Variants in PPP3CA observed in about 807,000 individuals in gnomAD.
PPP3CA encodes protein phosphatase 3 catalytic subunit alpha, also known as CAM-PRP catalytic subunit.
PPP3CA carries 14 observed loss-of-function variants against 66.5 expected under a neutral mutation model. The observed-to-expected ratio is 0.21, with a 90% CI of 0.14 to 0.33. The LOEUF is 0.33. Ranked by LOEUF, PPP3CA falls within the 10% of genes least tolerant of loss-of-function variation. The probability of loss-of-function intolerance (pLI) is 1.00; values close to 1 mark genes in which losing one functional copy is unlikely to be tolerated. For missense variants in PPP3CA, 317 were observed against 639.5 expected, an observed-to-expected ratio of 0.50 and a Z score of 5.44; for synonymous variants, 232 against 226.2, an observed-to-expected ratio of 1.03 and a Z score of -0.23.
At chr4:101,127,308 C>CCTAA (rs1013447152) in intron 2 of PPP3CA, among the ~76,000 whole-genome samples, 1 of 151,954 alleles carries the variant, frequency 6.6e-6, no homozygotes, top group Non-Finnish European at 1.5e-5. Context: ...ATGTTGATGA[C>CCTAA]CTAACCCCTG....
rs70961772 is a variant in PPP3CA, at chr4:101,033,293, AACACACAC to A, written c.1242-937_1242-930del. Reference sequence around the variant, plus strand: ...ACATAGAGACACACACACACACACAAACACACACACACACACACACACACACACACACA... The same window carrying A: ...ACATAGAGACACACACACACACACAAACACACACACACACACACACACACA... On this transcript the variant is annotated intron_variant, in intron 11 of 13. Coordinates refer to ENST00000394854, the MANE Select transcript of PPP3CA (RefSeq NM_000944.5). Among the ~76,000 whole-genome samples the A allele has an allele frequency of 4.2e-3, 584 of 139,158 alleles. 2 individuals carry two copies. The highest frequency in any genetic ancestry group is 7.5e-3 in the Middle Eastern group (2 of 266). 91.3% of individuals were successfully genotyped at this position (139,158 alleles called of 152,430 possible). A position where few individuals can be genotyped will look rare whatever the true frequency, so the allele number is the denominator to read the frequency against.
At chr4:101,322,680 G>A (rs569018869) in intron 1 of PPP3CA, among the ~76,000 whole-genome samples, 2 of 152,254 alleles carry the variant, frequency 1.3e-5, no homozygotes, top group East Asian at 3.9e-4. Context: ...AAAGAGCTGG[G>A]ATTAAAGACG....
In PPP3CA at chr4:101,117,442, A is replaced by ATTCTT. The variant is rs58221523; in HGVS notation, c.260-8365_260-8364insAAGAA. 6.3e-3 allele frequency among the ~76,000 whole-genome samples: 937 copies of ATTCTT among 148,518 alleles called. 11 individuals carry two copies. Among genetic ancestry groups the ATTCTT allele is most frequent in the Non-Finnish European group, 7.6e-3 (512 of 67,478 alleles). Reference sequence around the variant, plus strand: ...AAAGATGAGTGTTCTCACCACTGAGATTTTTTTTTGCAGTTTTTCCTCCAT... The same window carrying ATTCTT: ...AAAGATGAGTGTTCTCACCACTGAGATTCTTTTTTTTTTTGCAGTTTTTCCTCCAT... On this transcript the variant is annotated intron_variant, in intron 2 of 13. Transcript: ENST00000394854.
rs1352199991 is a variant in PPP3CA, at chr4:101,272,008, G to A, written c.58+74731C>T. Among the ~76,000 whole-genome samples the A allele has an allele frequency of 2.0e-5, 3 of 152,202 alleles. No individual in the cohort carries two copies. The East Asian group carries it at 5.8e-4, about 29-fold the overall frequency. On this transcript the variant is annotated intron_variant, in intron 1 of 13. Coordinates refer to ENST00000394854, the MANE Select transcript of PPP3CA (RefSeq NM_000944.5). ...AAGATAATGATTAATTCACTTAATA[G>A]TTAGGAATAATGAAATTTTCTTTAT...
intron 10 of PPP3CA, among the ~76,000 whole-genome samples, chr4:101,059,410 A>T (rs980395388): frequency 6.6e-6 from 1 of 152,126 alleles, no homozygotes; most frequent in African/African-American, 2.4e-5. Context: ...ATAGTATATG[A>T]AGACAAGTAA....
intron 5 of PPP3CA, 131 bp downstream of exon 5, chr4:101,098,236 G>A (rs1015967492): frequency 1.0e-6 from 1 of 979,542 alleles, no homozygotes; most frequent in Admixed American, 3.9e-5. Flanking sequence ...ACACAAAGGA[G>A]CGATTCATGA....
chr4:101,321,259 TA>T (rs1455684451), intron 1 of PPP3CA, among the ~76,000 whole-genome samples: 1 of 152,198 alleles, frequency 6.6e-6, no homozygotes, highest in East Asian at 1.9e-4. Context: ...ATATATTTTA[TA>T]TAAATTAACC....
chr4:101,279,703 G>T (rs534027788), intron 1 of PPP3CA, among the ~76,000 whole-genome samples: 3 of 152,192 alleles, frequency 2.0e-5, no homozygotes, highest in Admixed American at 1.3e-4. Flanking sequence ...CTATAAAAAG[G>T]GCAAGCTCTG....
chr4:101,133,184 T>C (rs571271763), intron 2 of PPP3CA, among the ~76,000 whole-genome samples: 1 of 152,280 alleles, frequency 6.6e-6, no homozygotes, highest in East Asian at 1.9e-4. Flanking sequence ...CTTTGAAAAC[T>C]GGCACAAGAC....
chr4:101,245,572 C>T (rs1032982165), intron 1 of PPP3CA, among the ~76,000 whole-genome samples: 7 of 152,142 alleles, frequency 4.6e-5, no homozygotes, highest in African/African-American at 1.7e-4. Flanking sequence ...TGAGAGATTT[C>T]AAGAGCTACT....
intron 2 of PPP3CA, among the ~76,000 whole-genome samples, chr4:101,157,941 C>A (rs988992716): frequency 2.8e-5 from 4 of 144,684 alleles, no homozygotes; most frequent in African/African-American, 1.0e-4. Flanking sequence ...TAATTCATGT[C>A]TAAAAGCTAC....
rs1482207511 is a variant in PPP3CA at position 101,024,190 on chromosome 4, C to T, written c.*1675G>A. 4 of 152,168 alleles carry T rather than the reference C, an allele frequency of 2.6e-5. No homozygotes were observed. Among genetic ancestry groups the T allele is most frequent in the African/African-American group, 4.8e-5 (2 of 41,430 alleles). The allele number at this position is 152,168 out of a possible 1,614,324, so 9.4% of individuals were successfully genotyped here. ...CTTACAGTGGAAGTAGGCACCACCC[C>T]TCAGATCACGAGGCCCCTAGGAAGA... On this transcript the variant is annotated 3_prime_UTR_variant, in exon 14 of 14. Coordinates refer to ENST00000394854, the MANE Select transcript of PPP3CA (RefSeq NM_000944.5).
At chr4:101,325,302 T>C (rs573578757) in intron 1 of PPP3CA, among the ~76,000 whole-genome samples, 1 of 152,346 alleles carries the variant, frequency 6.6e-6, no homozygotes, top group East Asian at 1.9e-4. Context: ...AGGTAGGGCC[T>C]GAAATTCTGT....
At chr4:101,181,835 A>C (rs1724246249) in intron 2 of PPP3CA, among the ~76,000 whole-genome samples, 1 of 152,180 alleles carries the variant, frequency 6.6e-6, no homozygotes, top group Non-Finnish European at 1.5e-5. Flanking sequence ...GACAGGCTAA[A>C]CAGCACAATT....
chr4:101,298,991 T>C (rs1465422075), intron 1 of PPP3CA, among the ~76,000 whole-genome samples: 1 of 151,892 alleles, frequency 6.6e-6, no homozygotes, highest in African/African-American at 2.4e-5. Context: ...CAAACCTAGA[T>C]GGTATATATG....
intron 1 of PPP3CA, among the ~76,000 whole-genome samples, chr4:101,208,657 C>T (rs1725212515): frequency 6.6e-6 from 1 of 152,128 alleles, no homozygotes; most frequent in Non-Finnish European, 1.5e-5. Flanking sequence ...AATACAATTT[C>T]AATATACTCT....
At chr4:101,203,359 G>A (rs913872003) in intron 1 of PPP3CA, among the ~76,000 whole-genome samples, 2 of 152,064 alleles carry the variant, frequency 1.3e-5, no homozygotes, top group African/African-American at 4.8e-5. Context: ...GCTGGGTGTG[G>A]TGGCACATGC....
intron 2 of PPP3CA, among the ~76,000 whole-genome samples, chr4:101,182,530 G>T (rs748539643): frequency 6.6e-6 from 1 of 152,038 alleles, no homozygotes; most frequent in Non-Finnish European, 1.5e-5. Flanking sequence ...CAAATTACTC[G>T]GATGTATCTC....
chr4:101,209,002 T>C (rs1725222901), intron 1 of PPP3CA, among the ~76,000 whole-genome samples: 1 of 152,170 alleles, frequency 6.6e-6, no homozygotes, highest in African/African-American at 2.4e-5. Flanking sequence ...AAAAGCAACT[T>C]TCCTTTATAA....
Sources: allele counts gnomAD v4.1 joint callset (sites outside exome capture counted in the v4.1 genomes callset), GRCh38; gene constraint gnomAD v4.1.1; transcripts MANE v1.5; gene names NCBI Gene and HGNC (gene_info 2026-07-23, HGNC 2026-07-21).